Variants in KANSL1L observed in about 807,000 individuals in gnomAD.
The protein encoded by KANSL1L is KAT8 regulatory NSL complex subunit 1-like protein.
Under a neutral mutation model 108.6 loss-of-function variants are expected in KANSL1L, and 25 were observed. The observed-to-expected ratio is 0.23, with a 90% CI of 0.17 to 0.32. The LOEUF is 0.32. Among genes scored for constraint, KANSL1L ranks in the 10% least tolerant of loss-of-function variants. KANSL1L has a pLI of 1.00. For missense variants in KANSL1L, 1,137 were observed against 1,125.7 expected (o/e 1.01, Z -0.14); for synonymous variants, 405 against 395.1 (o/e 1.03, Z -0.30).
chr2:210,125,734 C>A (rs2095060248), intron 3 of KANSL1L, among the ~76,000 whole-genome samples: 1 of 152,086 alleles, frequency 6.6e-6, no homozygotes, highest in African/African-American at 2.4e-5. Flanking sequence ...AAAGAAAACC[C>A]TATCATCATT....
chr2:210,068,998 A>G (rs1318193286), intron 6 of KANSL1L, among the ~76,000 whole-genome samples: 1 of 152,176 alleles, frequency 6.6e-6, no homozygotes, highest in East Asian at 1.9e-4. Flanking sequence ...CCAAATCATC[A>G]AAGCTCTGGT....
At chr2:210,143,856 T>C (rs1300673593) in intron 2 of KANSL1L, among the ~76,000 whole-genome samples, 1 of 152,216 alleles carries the variant, frequency 6.6e-6, no homozygotes, top group Non-Finnish European at 1.5e-5. Flanking sequence ...TTAATTATAA[T>C]AAAAACAAGT....
At chr2:210,109,376 C>T (rs1437496387) in intron 3 of KANSL1L, among the ~76,000 whole-genome samples, 1 of 152,072 alleles carries the variant, frequency 6.6e-6, no homozygotes, top group Non-Finnish European at 1.5e-5. Context: ...GATCCCTTCC[C>T]TTCTCAGCTT....
intron 4 of KANSL1L, 25 bp downstream of exon 4, chr2:210,104,079 A>G (rs776547090): frequency 2.6e-6 from 4 of 1,550,914 alleles, no homozygotes; most frequent in Non-Finnish European, 3.6e-6. Context: ...ATTTCATACC[A>G]CTGATATCCT....
At chr2:210,105,627 C>T (rs894947166) in intron 3 of KANSL1L, among the ~76,000 whole-genome samples, 7 of 151,494 alleles carry the variant, frequency 4.6e-5, no homozygotes, top group South Asian at 2.1e-4. Flanking sequence ...TTTTAGTTTA[C>T]ACTATGTAAT....
intron 6 of KANSL1L, among the ~76,000 whole-genome samples, chr2:210,057,625 C>T (rs931519058): frequency 2.6e-5 from 4 of 152,116 alleles, no homozygotes; most frequent in South Asian, 2.1e-4. Context: ...GGCATGAACC[C>T]GGGTGTTGCG....
chr2:210,107,518 A>AT (rs1310759534), intron 3 of KANSL1L, among the ~76,000 whole-genome samples: 1 of 141,110 alleles, frequency 7.1e-6, no homozygotes, highest in African/African-American at 2.7e-5. Flanking sequence ...CTCAAAAAAA[A>AT]AATATATATA....
chr2:210,053,745 C>T (rs2094318458), intron 6 of KANSL1L, among the ~76,000 whole-genome samples: 1 of 151,232 alleles, frequency 6.6e-6, no homozygotes, highest in Non-Finnish European at 1.5e-5. Context: ...AGAAAGAAAA[C>T]ATTAATTAAA....
In KANSL1L at chr2:210,073,253, T is replaced by C. The variant is rs2094519759; in HGVS notation, c.1755+2299A>G. On this transcript the variant is annotated intron_variant, in intron 6 of 14. Transcript: ENST00000281772. ...CATTTCTCCAGAAATCCCCGATTCC[T>C]TTTAGTAGGAAATGGTATTAGAAAA... Among the ~76,000 whole-genome samples, 4 of 152,170 alleles carry C rather than the reference T, an allele frequency of 2.6e-5. No individual in the cohort carries two copies. The South Asian group carries it at 8.3e-4, about 31-fold the overall frequency.
chr2:210,158,831 T>G (rs771810019), intron 1 of KANSL1L, among the ~76,000 whole-genome samples: 4 of 152,102 alleles, frequency 2.6e-5, no homozygotes, highest in Non-Finnish European at 4.4e-5. Flanking sequence ...GCACAAAATA[T>G]AAGTACATTT....
At chr2:210,155,477 A>G (rs534084591) in intron 1 of KANSL1L, among the ~76,000 whole-genome samples, 21 of 151,622 alleles carry the variant, frequency 1.4e-4, no homozygotes, top group African/African-American at 4.9e-4. Flanking sequence ...GCTGTTAAAA[A>G]TATGTGATAG....
intron 6 of KANSL1L, among the ~76,000 whole-genome samples, chr2:210,058,843 A>C (rs2094387574): frequency 6.6e-6 from 1 of 150,558 alleles, no homozygotes; most frequent in Admixed American, 6.6e-5. Context: ...TCTCAAAAAA[A>C]AAAAAAAAAA....
At chr2:210,029,588 A>G (rs1559497953) in intron 10 of KANSL1L, among the ~76,000 whole-genome samples, 1 of 152,162 alleles carries the variant, frequency 6.6e-6, no homozygotes, top group East Asian at 1.9e-4. Context: ...TAACACATAA[A>G]AAGAAGCTAT....
intron 3 of KANSL1L, among the ~76,000 whole-genome samples, chr2:210,121,690 A>C (rs1392234784): frequency 1.3e-5 from 2 of 152,194 alleles, no homozygotes; most frequent in African/African-American, 4.8e-5. Flanking sequence ...TTTGGGGGGC[A>C]AATTTTTTAA....
At chr2:210,133,069 T>A (rs906727600) in intron 2 of KANSL1L, among the ~76,000 whole-genome samples, 1 of 152,164 alleles carries the variant, frequency 6.6e-6, no homozygotes, top group African/African-American at 2.4e-5. Flanking sequence ...GCTTAAATTG[T>A]TGAATTTATT....
intron 2 of KANSL1L, among the ~76,000 whole-genome samples, chr2:210,131,613 G>T (rs1447329765): frequency 2.6e-5 from 4 of 151,712 alleles, no homozygotes; most frequent in Non-Finnish European, 4.4e-5. Flanking sequence ...TCATATACTA[G>T]ACTAAATTAT....
chr2:210,154,021 T>A lies in KANSL1L; in HGVS notation c.562A>T (p.Ile188Phe). 1 of 1,613,998 alleles carries A rather than the reference T, an allele frequency of 6.2e-7. No homozygotes were observed. The highest frequency in any genetic ancestry group is 8.5e-7 in the Non-Finnish European group (1 of 1,180,004). ...GTACAGTGCAATAAACCCTTTTTAA[T>A]CTCAGCATCAGTAACTTTATCCAAA... is the stretch of plus-strand genomic sequence containing the variant. ...ALLDKVTDAE[I>F]KKGLLHCTQK... The change falls in exon 2 of 15, where the codon ATT becomes TTT. Residue 188 changes from isoleucine (I) to phenylalanine (F), a missense_variant. Around this residue, in one of 3 missense-constraint regions of KANSL1L, gnomAD observed 556 missense variants for 537.7 expected, o/e 1.03. Coordinates refer to ENST00000281772, the MANE Select transcript of KANSL1L (RefSeq NM_152519.4).
At chr2:210,096,717 C>A (rs923594246) in intron 5 of KANSL1L, 6 of 957,202 alleles carry the variant, frequency 6.3e-6, no homozygotes, top group Non-Finnish European at 7.5e-6. Flanking sequence ...TCATAGTTAT[C>A]CTATACAATA....
At chr2:210,089,550 A>T (rs2094672160) in intron 5 of KANSL1L, among the ~76,000 whole-genome samples, 1 of 152,226 alleles carries the variant, frequency 6.6e-6, no homozygotes, top group Non-Finnish European at 1.5e-5. Flanking sequence ...TGAGGTGTAA[A>T]GAGATTAACA....
Sources: allele counts gnomAD v4.1 joint callset (sites outside exome capture counted in the v4.1 genomes callset), GRCh38; gene constraint gnomAD v4.1.1; regional missense constraint gnomAD v4.1.1; transcripts MANE v1.5; gene names NCBI Gene and HGNC (gene_info 2026-07-23, HGNC 2026-07-21).